MPDZ: variants seen among roughly 807,000 people sequenced by gnomAD.
MPDZ encodes the protein multiple PDZ domain protein.
In MPDZ, 234 loss-of-function variants were observed where a neutral mutation model predicts 239.1. The ratio of observed to expected loss-of-function variants is 0.98; its 90% CI spans 0.88 to 1.09. The LOEUF is 1.09. Among genes scored for constraint, MPDZ ranks in the 50% least tolerant of loss-of-function variants. The pLI is 0.00. For synonymous variants in MPDZ, 1,048 were observed against 881.3 expected, an observed-to-expected ratio of 1.19 and a Z score of -3.35; for missense variants, 3,175 against 2,510.0, an observed-to-expected ratio of 1.26 and a Z score of -5.66.
At chr9:13,251,449 G>T (rs903022041) in intron 1 of MPDZ, among the ~76,000 whole-genome samples, 1 of 152,084 alleles carries the variant, frequency 6.6e-6, no homozygotes, top group Non-Finnish European at 1.5e-5. Flanking sequence ...AACCCATCTT[G>T]AGCCTTTGCT....
intron 26 of MPDZ, among the ~76,000 whole-genome samples, chr9:13,145,958 A>G (rs543079564): frequency 2.6e-5 from 4 of 151,932 alleles, no homozygotes; most frequent in Non-Finnish European, 5.9e-5. Context: ...CCCACACACA[A>G]AAAAAATAGC....
At chr9:13,161,678 C>T (rs1587394242) in intron 23 of MPDZ, among the ~76,000 whole-genome samples, 1 of 152,098 alleles carries the variant, frequency 6.6e-6, no homozygotes, top group Non-Finnish European at 1.5e-5. Context: ...AGTCAGTTGC[C>T]AGCACAACTG....
rs909242609 is a variant in MPDZ, at chr9:13,175,749, T to G, written c.3055+3A>C. On this transcript the variant is annotated splice_donor_region_variant and intron_variant, in intron 21 of 46. Transcript: ENST00000319217. ...AGGTATATGAGGAAAATGAGAAACT[T>G]ACCTAGGCTAGAATTGCCTTTTGCT... The G allele has an allele frequency of 1.3e-6, 2 of 1,567,766 alleles. No individual in the cohort carries two copies. Among genetic ancestry groups the G allele is most frequent in the East Asian group, 4.6e-5 (2 of 43,108 alleles).
At chr9:13,215,728 A>G (rs940779715) in intron 10 of MPDZ, among the ~76,000 whole-genome samples, 1 of 149,904 alleles carries the variant, frequency 6.7e-6, no homozygotes, top group Non-Finnish European at 1.5e-5. Flanking sequence ...AAGGTAAAAC[A>G]GATAAACAGG....
At chr9:13,261,537 C>G (rs1254421591) in intron 1 of MPDZ, among the ~76,000 whole-genome samples, 1 of 151,820 alleles carries the variant, frequency 6.6e-6, no homozygotes, top group African/African-American at 2.4e-5. Flanking sequence ...TTCTAATAAA[C>G]ATTTGAGGGA....
Position 13,115,271 on chromosome 9 carries a change from T to G in MPDZ, c.5443A>C (p.Arg1815=), listed in dbSNP as rs750725045. The change falls in exon 40 of 47, where the codon AGG becomes CGG. Residue 1815 remains arginine, a synonymous_variant. Coordinates refer to ENST00000319217, the MANE Select transcript of MPDZ (RefSeq NM_001378778.1). ...RIKAGPFHSE[R]RPSQSSQVSE... is the part of the protein sequence containing the mutation. ...ACCTGGCTGCTTTGAGATGGCCTCC[T>G]CTCTGAATGGAATGGACCAGCTTTG... 1 of 1,612,684 alleles carries G rather than the reference T, an allele frequency of 6.2e-7. No individual in the cohort carries two copies. Among genetic ancestry groups the G allele is most frequent in the South Asian group, 1.1e-5 (1 of 91,040 alleles).
At chr9:13,174,387 GA>G (rs1279190812) in intron 21 of MPDZ, among the ~76,000 whole-genome samples, 1 of 152,114 alleles carries the variant, frequency 6.6e-6, no homozygotes, top group Non-Finnish European at 1.5e-5. Context: ...AAATACACTA[GA>G]ATAATAGTTC....
At chr9:13,144,651 ACT>A (rs1168853541) in intron 26 of MPDZ, among the ~76,000 whole-genome samples, 1 of 151,834 alleles carries the variant, frequency 6.6e-6, no homozygotes, top group Non-Finnish European at 1.5e-5. Flanking sequence ...CTCTGGAAAG[ACT>A]CTATCCTCAG....
intron 1 of MPDZ, among the ~76,000 whole-genome samples, chr9:13,276,341 T>C (rs538260354): frequency 3.3e-5 from 5 of 152,336 alleles, no homozygotes; most frequent in Non-Finnish European, 5.9e-5. Flanking sequence ...ACTAAAATTA[T>C]TTAATCACAG....
intron 1 of MPDZ, among the ~76,000 whole-genome samples, chr9:13,261,982 C>T (rs1970789565): frequency 6.6e-6 from 1 of 151,598 alleles, no homozygotes; most frequent in Non-Finnish European, 1.5e-5. Flanking sequence ...GAGATTGAGG[C>T]TATAGTGAGC....
chr9:13,150,187 A>AT (rs558432186), intron 25 of MPDZ, among the ~76,000 whole-genome samples: 11 of 151,168 alleles, frequency 7.3e-5, no homozygotes, highest in East Asian at 1.9e-4. Context: ...CCTTGGAGCC[A>AT]TTTTTTTTTA....
Position 13,236,195 on chromosome 9 carries a change from A to ATATGTG in MPDZ, c.183+11434_183+11439dup, listed in dbSNP as rs1554715959. Among the ~76,000 whole-genome samples the ATATGTG allele has an allele frequency of 6.4e-5, 3 of 47,204 alleles. No individual in the cohort carries two copies. The South Asian group carries it at 3.0e-3, about 47-fold the overall frequency. 31.0% of individuals were successfully genotyped at this position (47,204 alleles called of 152,430 possible). A position where few individuals can be genotyped will look rare whatever the true frequency, so the allele number is the denominator to read the frequency against. On this transcript the variant is annotated intron_variant, in intron 3 of 46. Transcript: ENST00000319217. The stretch of plus-strand genomic sequence containing the variant: ...GTTTTGTGTGTGTGTGTTTCTGTAT[A>ATATGTG]TATGTGTGTGTGTGTGTGTGTGTGT...
chr9:13,220,211 T>C (rs950546344), intron 7 of MPDZ, among the ~76,000 whole-genome samples: 7 of 151,992 alleles, frequency 4.6e-5, no homozygotes, highest in African/African-American at 9.7e-5. Flanking sequence ...TGCCTGGCTA[T>C]TTCTATTATA....
intron 1 of MPDZ, among the ~76,000 whole-genome samples, chr9:13,265,921 C>T (rs1430519680): frequency 3.3e-5 from 5 of 152,150 alleles, no homozygotes; most frequent in Non-Finnish European, 7.3e-5. Context: ...TTCAACATAC[C>T]TCCCCATCCA....
chr9:13,180,324 A>T (rs1953113365), intron 19 of MPDZ, among the ~76,000 whole-genome samples: 4 of 152,216 alleles, frequency 2.6e-5, no homozygotes. Flanking sequence ...CTATCTTGAT[A>T]AACATCAAGT....
At chr9:13,240,580 TA>T (rs71331533) in intron 3 of MPDZ, among the ~76,000 whole-genome samples, 5,891 of 43,940 alleles carry the variant, frequency 0.13, 122 homozygotes, top group African/African-American at 0.2. Flanking sequence ...ATAATAAAAG[TA>T]AAAAAAAAAA....
chr9:13,264,933 T>C (rs1971484385), intron 1 of MPDZ, among the ~76,000 whole-genome samples: 1 of 152,204 alleles, frequency 6.6e-6, no homozygotes, highest in Non-Finnish European at 1.5e-5. Flanking sequence ...TTGCCCCTAT[T>C]TGTACCACAT....
intron 1 of MPDZ, among the ~76,000 whole-genome samples, chr9:13,270,264 G>A (rs547669845): frequency 1.3e-4 from 20 of 152,188 alleles, no homozygotes; most frequent in Admixed American, 6.5e-5. Context: ...TATTTTGTTC[G>A]TCACTTCAAT....
rs1427241721 is a variant in MPDZ, at chr9:13,126,710, C to T, written c.4527G>A (p.Lys1509=). 6.2e-7 allele frequency: 1 copy of T among 1,613,762 alleles called. No individual in the cohort carries two copies. The highest frequency in any genetic ancestry group is 8.5e-7 in the Non-Finnish European group (1 of 1,179,810). The change falls in exon 33 of 47, where the codon AAG becomes AAA. Residue 1509 remains lysine (K), a synonymous_variant. Transcript: ENST00000319217. Reference sequence around the variant, plus strand: ...CTGCTACCCCATGCTCTGTTAAGCTCTTTATGATGACTCCACTGAGTGTAT... The same window carrying T: ...CTGCTACCCCATGCTCTGTTAAGCTTTTTATGATGACTCCACTGAGTGTAT... ...EEDTLSGVII[K]SLTEHGVAAT... is the part of the protein sequence containing the mutation.
Sources: allele counts gnomAD v4.1 joint callset (sites outside exome capture counted in the v4.1 genomes callset), GRCh38; gene constraint gnomAD v4.1.1; transcripts MANE v1.5; gene names NCBI Gene and HGNC (gene_info 2026-07-23, HGNC 2026-07-21).